BLOC1S3: variants seen among roughly 807,000 people sequenced by gnomAD.
The protein encoded by BLOC1S3 is biogenesis of lysosomal organelles complex 1 subunit 3, also known as biogenesis of lysosome-related organelles complex 1 subunit 3.
In BLOC1S3, 7 loss-of-function variants were observed where a neutral mutation model predicts 9.1. That is an observed-to-expected ratio of 0.77 (90% confidence interval 0.44 to 1.45). The LOEUF is 1.45. Ranked by LOEUF, BLOC1S3 falls within the 40% of genes most tolerant of loss-of-function variation. The pLI is 0.01. For missense variants in BLOC1S3, 307 were observed against 315.2 expected (o/e 0.97, Z 0.20); for synonymous variants, 145 against 158.4 (o/e 0.92, Z 0.64).
At chr19:45,181,964 CG>C (rs1384883472), downstream of BLOC1S3, among the ~76,000 whole-genome samples, 2 of 152,058 alleles carry the variant, frequency 1.3e-5, no homozygotes, top group African/African-American at 4.8e-5. Context: ...TGTATTTACT[CG>C]TATTTTATTA....
At chr19:45,211,607 A>T (rs2122944155) in intron 3 of BLOC1S3, among the ~76,000 whole-genome samples, 1 of 151,986 alleles carries the variant, frequency 6.6e-6, no homozygotes, top group African/African-American at 2.4e-5. Context: ...AAGAGAGTTT[A>T]AGCAATTCCC....
chr19:45,213,080 C>A, intron 3 of BLOC1S3: 1 of 1,501,412 alleles, frequency 6.7e-7, no homozygotes, highest in African/African-American at 1.4e-5. Context: ...CAGCGCTGGG[C>A]CCGAGGTCGC....
chr19:45,210,847 A>G (rs1969764570), intron 3 of BLOC1S3, among the ~76,000 whole-genome samples: 1 of 151,102 alleles, frequency 6.6e-6, no homozygotes, highest in South Asian at 2.2e-4. Flanking sequence ...CCTACAGGGC[A>G]GTGGCAGTGG....
chr19:45,191,420 C>T (rs113950480), intron 2 of BLOC1S3, among the ~76,000 whole-genome samples: 8 of 152,238 alleles, frequency 5.3e-5, no homozygotes, highest in Middle Eastern at 3.4e-3. Context: ...TGTGCCCGGC[C>T]GGCTTTATTT....
chr19:45,210,456 G>A (rs547810456), intron 3 of BLOC1S3, among the ~76,000 whole-genome samples: 21 of 151,464 alleles, frequency 1.4e-4, no homozygotes, highest in South Asian at 4.2e-4. Context: ...GCGCCACCAC[G>A]CCTGGCTAAG....
chr19:45,189,875 C>G (rs1384521672), intron 2 of BLOC1S3, among the ~76,000 whole-genome samples: 2 of 152,076 alleles, frequency 1.3e-5, no homozygotes, highest in Admixed American at 1.3e-4. Context: ...TCTCTACCTC[C>G]TCTTTAAGTC....
intron 2 of BLOC1S3, among the ~76,000 whole-genome samples, chr19:45,191,693 T>C (rs755274910): frequency 2.0e-5 from 3 of 152,250 alleles, no homozygotes; most frequent in Non-Finnish European, 4.4e-5. Context: ...GTAGAGACAC[T>C]GCCTTGGTGG....
chr19:45,213,326 G>A (rs1348252167), intron 3 of BLOC1S3: 25 of 1,613,740 alleles, frequency 1.5e-5, no homozygotes, highest in Middle Eastern at 1.7e-4. Flanking sequence ...CGCAGGCCAC[G>A]GATGTCGAGG....
chr19:45,211,032 G>C (rs891232417), intron 3 of BLOC1S3, among the ~76,000 whole-genome samples: 2 of 152,098 alleles, frequency 1.3e-5, no homozygotes, highest in African/African-American at 4.8e-5. Flanking sequence ...GGATCACTTG[G>C]GCTAGGAGGT....
chr19:45,209,517 T>C (rs1005908219), intron 3 of BLOC1S3, among the ~76,000 whole-genome samples: 1 of 151,238 alleles, frequency 6.6e-6, no homozygotes, highest in Non-Finnish European at 1.5e-5. Context: ...CGCCTCCCGG[T>C]TTCACTCCAT....
chr19:45,182,944 T>C (rs144143689), downstream of BLOC1S3, among the ~76,000 whole-genome samples: 139 of 151,918 alleles, frequency 9.1e-4, 1 homozygote, highest in African/African-American at 3.2e-3. Flanking sequence ...AAGTGATGAG[T>C]GGTGCTGGAG....
At chr19:45,183,181 A>T (rs1969539334), downstream of BLOC1S3, among the ~76,000 whole-genome samples, 1 of 152,056 alleles carries the variant, frequency 6.6e-6, no homozygotes, top group South Asian at 2.1e-4. Flanking sequence ...GGTGAGCTTT[A>T]AAAAAATTGT....
At position 45,213,239 on chromosome 19, in the gene BLOC1S3, G is replaced by C. The variant is rs371350226; in HGVS notation, n.283-3437G>C. 7.4e-6 allele frequency: 12 copies of C among 1,613,294 alleles called. No individual in the cohort carries two copies. Among genetic ancestry groups the C allele is most frequent in the Non-Finnish European group, 8.5e-6 (10 of 1,179,602 alleles). ...TCTGCAAAGAAGGCACGGTCCCGAG[G>C]GGGTGACAGGGCTCCCTCCTCAGAG... On this transcript the variant is annotated intron_variant and non_coding_transcript_variant, in intron 3 of 3. Transcript: ENST00000591569.
chr19:45,213,003 G>A (rs1214034025), intron 3 of BLOC1S3: 15 of 1,406,854 alleles, frequency 1.1e-5, no homozygotes, highest in East Asian at 5.4e-5. Flanking sequence ...CAGGAGGGGC[G>A]CCGTACGGGA....
At chr19:45,190,828 G>A (rs1009243959) in intron 2 of BLOC1S3, among the ~76,000 whole-genome samples, 2 of 32,730 alleles carry the variant, frequency 6.1e-5, no homozygotes, top group African/African-American at 2.3e-4. Flanking sequence ...TTTTTTGAGA[G>A]AGAGTCTTGC....
intron 3 of BLOC1S3, among the ~76,000 whole-genome samples, chr19:45,207,555 C>CAAAAAAA (rs58164218): frequency 4.6e-5 from 3 of 64,784 alleles, no homozygotes; most frequent in Non-Finnish European, 7.2e-5. Flanking sequence ...GACTCTGTCT[C>CAAAAAAA]AAAAAAAAAA....
At chr19:45,207,783 C>T (rs924824637) in intron 3 of BLOC1S3, among the ~76,000 whole-genome samples, 1 of 152,022 alleles carries the variant, frequency 6.6e-6, no homozygotes, top group African/African-American at 2.4e-5. Context: ...TAGGAATGTG[C>T]AGGTGCACAC....
intron 2 of BLOC1S3, among the ~76,000 whole-genome samples, chr19:45,201,202 CA>C (rs35443104): frequency 0.38 from 48,746 of 126,740 alleles, 8,208 homozygotes; most frequent in African/African-American, 0.43. Context: ...GACCCTGTCT[CA>C]AAAAAAAAAA....
downstream of BLOC1S3, among the ~76,000 whole-genome samples, chr19:45,185,351 C>T (rs1376139019): frequency 6.6e-6 from 1 of 152,138 alleles, no homozygotes; most frequent in Non-Finnish European, 1.5e-5. Context: ...GAATGAATGG[C>T]CTTCACACCA....
Sources: gnomAD v4.1 joint callset for allele counts (sites outside exome capture counted in the v4.1 genomes callset) on GRCh38, gnomAD v4.1.1 for gene constraint, MANE v1.5 for transcripts, NCBI Gene and HGNC (gene_info 2026-07-23, HGNC 2026-07-21) for gene names.